ME2: variants seen among roughly 807,000 people sequenced by gnomAD.
ME2 encodes the protein malic enzyme 2, also known as NAD-dependent malic enzyme, mitochondrial.
A neutral mutation model predicts 73.7 loss-of-function variants in ME2; 60 were observed. That is an observed-to-expected ratio of 0.81 (90% CI 0.66 to 1.01). The LOEUF is 1.01. ME2 is among the 50% of genes least tolerant of loss of function. The probability of loss-of-function intolerance (pLI) is 0.00; values close to 1 mark genes in which losing one functional copy is unlikely to be tolerated. For synonymous variants in ME2, 199 were observed against 236.9 expected (o/e 0.84, Z 1.47); for missense variants, 594 against 705.5 (o/e 0.84, Z 1.79).
At chr18:50,881,286 T>C (rs1453062095) in intron 1 of ME2, among the ~76,000 whole-genome samples, 5 of 151,896 alleles carry the variant, frequency 3.3e-5, no homozygotes, top group Non-Finnish European at 7.4e-5. Context: ...CTCCACCTCC[T>C]TCGGCCTCCC....
intron 7 of ME2, among the ~76,000 whole-genome samples, chr18:50,919,674 T>C (rs1013117536): frequency 6.6e-6 from 1 of 152,116 alleles, no homozygotes; most frequent in African/African-American, 2.4e-5. Flanking sequence ...GCCACTCCCG[T>C]CTCCCCACAC....
At chr18:50,906,322 T>C (rs555550968) in intron 2 of ME2, among the ~76,000 whole-genome samples, 17 of 152,304 alleles carry the variant, frequency 1.1e-4, no homozygotes, top group African/African-American at 3.4e-4. Context: ...CTAATTCTTT[T>C]CTTTTTTTGA....
intron 1 of ME2, among the ~76,000 whole-genome samples, chr18:50,886,326 C>G (rs1916469327): frequency 6.6e-6 from 1 of 151,522 alleles, no homozygotes; most frequent in Non-Finnish European, 1.5e-5. Context: ...TCACTGTAAC[C>G]TTCACCTCCC....
intron 1 of ME2, among the ~76,000 whole-genome samples, chr18:50,888,448 G>A (rs1365061563): frequency 1.3e-5 from 2 of 151,732 alleles, no homozygotes; most frequent in Non-Finnish European, 2.9e-5. Flanking sequence ...AAAAACAACA[G>A]AACCAAAGGC....
chr18:50,921,933 A>G (rs1917440250), intron 10 of ME2, among the ~76,000 whole-genome samples: 1 of 152,216 alleles, frequency 6.6e-6, no homozygotes, highest in Admixed American at 6.5e-5. Context: ...AATGTCATAT[A>G]TCTTCTGTGT....
At chr18:50,917,553 T>A (rs760150353) in intron 6 of ME2, 45 bp downstream of exon 6, 22 of 1,380,566 alleles carry the variant, frequency 1.6e-5, no homozygotes, top group African/African-American at 2.8e-5. Flanking sequence ...CTGTATTTTT[T>A]AAAATGTGTA....
At chr18:50,902,512 C>T (rs1363558138) in intron 2 of ME2, among the ~76,000 whole-genome samples, 3 of 152,228 alleles carry the variant, frequency 2.0e-5, no homozygotes, top group African/African-American at 7.2e-5. Context: ...ATTCTCCTGC[C>T]TCAGCATCCC....
intron 12 of ME2, among the ~76,000 whole-genome samples, chr18:50,930,990 C>G (rs1405631517): frequency 1.3e-5 from 2 of 152,196 alleles, no homozygotes; most frequent in Admixed American, 1.3e-4. Context: ...AACCTTGTAT[C>G]ATTTTGAAAT....
At chr18:50,883,592 G>A (rs1249302724) in intron 1 of ME2, among the ~76,000 whole-genome samples, 1 of 152,196 alleles carries the variant, frequency 6.6e-6, no homozygotes, top group Non-Finnish European at 1.5e-5. Flanking sequence ...GCTGGGTGTG[G>A]TGGCTCACAC....
chr18:50,879,662 C>G (rs1417553410), intron 1 of ME2, among the ~76,000 whole-genome samples: 1 of 152,262 alleles, frequency 6.6e-6, no homozygotes, highest in Non-Finnish European at 1.5e-5. Context: ...TCTTTCTGCA[C>G]CCCTCCACAA....
chr18:50,888,271 C>G, intron 1 of ME2, among the ~76,000 whole-genome samples: 1 of 151,582 alleles, frequency 6.6e-6, no homozygotes, highest in Non-Finnish European at 1.5e-5. Flanking sequence ...CTTGAGCCCC[C>G]GAGGTCGAGG....
At chr18:50,887,115 C>T (rs1018434439) in intron 1 of ME2, among the ~76,000 whole-genome samples, 3 of 152,186 alleles carry the variant, frequency 2.0e-5, no homozygotes, top group African/African-American at 2.4e-5. Flanking sequence ...GGCCTCATTC[C>T]GGCCCTGACG....
intron 14 of ME2, 93 bp downstream of exon 14, chr18:50,939,733 C>A (rs1917903057): frequency 6.3e-6 from 5 of 791,240 alleles, no homozygotes; most frequent in South Asian, 3.6e-5. Context: ...TGGGTTAAAT[C>A]TGCCTTATTA....
intron 2 of ME2, among the ~76,000 whole-genome samples, chr18:50,902,763 A>G (rs763293163): frequency 9.2e-5 from 14 of 152,240 alleles, no homozygotes; most frequent in Admixed American, 3.3e-4. Flanking sequence ...ATTATAACAT[A>G]TACTTTTATA....
chr18:50,920,966 G>A (rs1917412299), intron 9 of ME2, 108 bp from the exon 10 acceptor site: 2 of 714,258 alleles, frequency 2.8e-6, no homozygotes, highest in African/African-American at 1.9e-5. Context: ...GATTTGTAAG[G>A]GAAAAATAAA....
rs888313574 is a variant in ME2, at chr18:50,947,246, G to A, written c.*62G>A. On this transcript the variant is annotated 3_prime_UTR_variant, in exon 16 of 16. Transcript: ENST00000321341. The stretch of plus-strand genomic sequence containing the variant: ...GAACCCCTTTTTTCAGACAAGAAGA[G>A]ATAATGTCTTCAGTTTTATGGTGTT... 2.7e-6 allele frequency: 4 copies of A among 1,496,858 alleles called. No homozygotes were observed. The East Asian group carries it at 9.1e-5, about 34-fold the overall frequency. The allele number at this position is 1,496,858 out of a possible 1,614,324, so 92.7% of individuals were successfully genotyped here. A position where few individuals can be genotyped will look rare whatever the true frequency, so the allele number is the denominator to read the frequency against.
At chr18:50,939,465 G>A (rs1407400236) in intron 13 of ME2, 105 bp from the exon 14 acceptor site, 1 of 681,316 alleles carries the variant, frequency 1.5e-6, no homozygotes, top group Non-Finnish European at 2.6e-6. Context: ...GGGGGGAGCT[G>A]TTTGCGATGT....
At chr18:50,912,719 C>A in intron 3 of ME2, 82 bp from the exon 4 acceptor site, 1 of 1,139,832 alleles carries the variant, frequency 8.8e-7, no homozygotes, top group Non-Finnish European at 1.2e-6. Flanking sequence ...CAATTTTAGA[C>A]ATTTAGGTTT....
At chr18:50,891,194 A>G (rs76650259) in intron 1 of ME2, among the ~76,000 whole-genome samples, 2,552 of 152,334 alleles carry the variant, frequency 0.017, 66 homozygotes, top group African/African-American at 0.059. Flanking sequence ...GACAATTTTG[A>G]GACATTCCTA....
Sources: allele counts gnomAD v4.1 joint callset (sites outside exome capture counted in the v4.1 genomes callset), GRCh38; gene constraint gnomAD v4.1.1; transcripts MANE v1.5; gene names NCBI Gene and HGNC (gene_info 2026-07-23, HGNC 2026-07-21).